The following ART1 variants were observed in gnomAD, a reference collection of about 807,000 sequenced individuals.
ART1 encodes GPI-linked NAD(P)(+)--arginine ADP-ribosyltransferase 1.
In ART1, 29 loss-of-function variants were observed where a neutral mutation model predicts 27.0. The observed-to-expected ratio is 1.08, with a 90% CI of 0.80 to 1.47. The LOEUF is 1.47. Among genes scored for constraint, ART1 ranks in the 40% most tolerant of loss-of-function variants. The probability of loss-of-function intolerance (pLI) is 0.00; values close to 1 mark genes in which losing one functional copy is unlikely to be tolerated. For synonymous variants in ART1, 201 were observed against 172.2 expected, an observed-to-expected ratio of 1.17 and a Z score of -1.31; for missense variants, 480 against 423.0, an observed-to-expected ratio of 1.13 and a Z score of -1.18.
intron 1 of ART1, among the ~76,000 whole-genome samples, chr11:3,657,763 T>C (rs2077585846): frequency 6.6e-6 from 1 of 152,172 alleles, no homozygotes; most frequent in Non-Finnish European, 1.5e-5. Context: ...TCTCAAAATC[T>C]TTCCTATAAA....
intron 4 of ART1, among the ~76,000 whole-genome samples, chr11:3,662,567 G>A (rs895498912): frequency 3.9e-5 from 6 of 152,226 alleles, no homozygotes; most frequent in African/African-American, 7.2e-5. Flanking sequence ...AAGAGAGGCC[G>A]GGTGTGGTGG....
chr11:3,650,645 T>C (rs1387690681), intron 1 of ART1, among the ~76,000 whole-genome samples: 3 of 152,118 alleles, frequency 2.0e-5, no homozygotes, highest in Admixed American at 6.5e-5. Context: ...ACTTAGACAA[T>C]ACTCTTTTAA....
intron 1 of ART1, among the ~76,000 whole-genome samples, chr11:3,656,624 C>T (rs769706184): frequency 3.9e-5 from 6 of 152,024 alleles, no homozygotes; most frequent in African/African-American, 7.2e-5. Flanking sequence ...TCAGGTGATC[C>T]GCCCACCTCA....
intron 1 of ART1, among the ~76,000 whole-genome samples, chr11:3,653,080 C>T (rs1022108604): frequency 6.7e-6 from 1 of 148,526 alleles, no homozygotes; most frequent in African/African-American, 2.6e-5. Flanking sequence ...TAATCTCTCC[C>T]ACTCGAGGTT....
chr11:3,656,849 C>CA (rs1030252196), intron 1 of ART1, among the ~76,000 whole-genome samples: 1 of 151,630 alleles, frequency 6.6e-6, no homozygotes, highest in African/African-American at 2.4e-5. Flanking sequence ...ACAACAATAA[C>CA]AAAAAAAATT....
rs1427241858 is a variant in ART1 at position 3,660,217 on chromosome 11, CCTT to C, written c.703_705del (p.Phe235del). The C allele has an allele frequency of 2.3e-5, 37 of 1,613,944 alleles. No homozygotes were observed. The East Asian group carries it at 7.6e-4, about 33-fold the overall frequency. On this transcript the variant is annotated inframe_deletion, in exon 3 of 5. Coordinates refer to ENST00000250693, the MANE Select transcript of ART1 (RefSeq NM_004314.3). ...CTTGGGGCCCCTATCAAGGGCTACT[CCTT>C]CTTCCCTGGAGAGGAAGAGGTGCTG...
intron 1 of ART1, among the ~76,000 whole-genome samples, chr11:3,652,794 G>A (rs1300250388): frequency 2.0e-5 from 3 of 151,066 alleles, no homozygotes; most frequent in Non-Finnish European, 4.4e-5. Context: ...ATATCTCCTG[G>A]TGCTATCCCC....
intron 4 of ART1, chr11:3,663,746 C>T (rs910806969): frequency 4.4e-5 from 10 of 227,650 alleles, no homozygotes; most frequent in East Asian, 2.7e-4. Context: ...TATGCCACTA[C>T]GCCTGGCTAC....
At position 3,647,339 on chromosome 11, in the gene ART1, C is replaced by CA. The variant is rs113492253; in HGVS notation, c.-53+2171dup. On this transcript the variant is annotated intron_variant, in intron 1 of 4. Coordinates refer to ENST00000250693, the MANE Select transcript of ART1 (RefSeq NM_004314.3). ...CCGTCTCAAAAAAAACAAAACAAAA[C>CA]AAAAAAAAAAACGAGGCTGGGTGCG... is the stretch of plus-strand genomic sequence containing the variant. Among the ~76,000 whole-genome samples, 1,284 of 132,566 alleles carry CA rather than the reference C, an allele frequency of 9.7e-3. 11 individuals are homozygous for CA. The highest frequency in any genetic ancestry group is 0.034 in the Middle Eastern group (7 of 208). The allele number at this position is 132,566 out of a possible 152,430, so 87.0% of individuals were successfully genotyped here. A position where few individuals can be genotyped will look rare whatever the true frequency, so the allele number is the denominator to read the frequency against.
chr11:3,661,417 AG>A lies in ART1; in HGVS notation c.886+7del. The A allele has an allele frequency of 1.9e-6, 3 of 1,609,074 alleles. No individual in the cohort carries two copies. The Middle Eastern group carries it at 5.0e-4, about 269-fold the overall frequency. On this transcript the variant is annotated splice_donor_5th_base_variant and intron_variant, in intron 4 of 4. Transcript: ENST00000250693. ...CCTTGCCATCTGGATAATTCAGGTAAGGGCTGCAGGCACCTGTGGGACTCAG... is the reference window on the plus strand; with the variant it reads ...CCTTGCCATCTGGATAATTCAGGTAAGGCTGCAGGCACCTGTGGGACTCAG...
At chr11:3,661,440 T>C (rs2077619438) in intron 4 of ART1, 27 bp downstream of exon 4, 2 of 1,604,028 alleles carry the variant, frequency 1.2e-6, no homozygotes, top group Non-Finnish European at 1.7e-6. Flanking sequence ...CCTGTGGGAC[T>C]CAGTTCAGGG....
intron 1 of ART1, among the ~76,000 whole-genome samples, chr11:3,650,188 T>A (rs987964316): frequency 5.9e-5 from 9 of 152,064 alleles, no homozygotes; most frequent in African/African-American, 1.2e-4. Flanking sequence ...CTCCAGAACC[T>A]CCTCCCCCAG....
chr11:3,652,759 C>T (rs2077535192), intron 1 of ART1, among the ~76,000 whole-genome samples: 1 of 151,096 alleles, frequency 6.6e-6, no homozygotes. Flanking sequence ...CCGGTTTACA[C>T]TGTTTCTCCA....
chr11:3,655,394 A>T (rs542290124), intron 1 of ART1: 7 of 152,128 alleles, frequency 4.6e-5, no homozygotes, highest in Admixed American at 2.0e-4. Context: ...CCCACTGGGG[A>T]CCCTCTATGG....
At chr11:3,663,089 A>ATCATCTCATCTCATC (rs58565508) in intron 4 of ART1, among the ~76,000 whole-genome samples, 1,762 of 87,002 alleles carry the variant, frequency 0.02, 64 homozygotes, top group Admixed American at 0.068. Context: ...ATCTCATCTC[A>ATCATCTCATCTCATC]TCATCTCATC....
intron 4 of ART1, 91 bp downstream of exon 4, chr11:3,661,504 T>TTC: frequency 8.8e-7 from 1 of 1,142,664 alleles, no homozygotes; most frequent in Non-Finnish European, 1.2e-6. Context: ...TTTTTTTTTT[T>TTC]TTTTTTTGAG....
chr11:3,649,594 G>A (rs1238794605), intron 1 of ART1, among the ~76,000 whole-genome samples: 1 of 152,116 alleles, frequency 6.6e-6, no homozygotes, highest in Non-Finnish European at 1.5e-5. Flanking sequence ...TCCTCGCCAG[G>A]CTGAGCTAGG....
At chr11:3,659,404 G>A (rs1391511041) in intron 2 of ART1, 128 bp downstream of exon 2, 2 of 1,434,886 alleles carry the variant, frequency 1.4e-6, no homozygotes, top group Non-Finnish European at 1.9e-6. Context: ...CTCAGCCCAA[G>A]GGGACAGCTC....
intron 2 of ART1, 117 bp from the exon 3 acceptor site, chr11:3,659,466 C>A: frequency 1.4e-6 from 2 of 1,381,896 alleles, no homozygotes; most frequent in East Asian, 2.4e-5. Flanking sequence ...TCCCCTTCCC[C>A]ACCAGGTGTG....
Sources: allele counts gnomAD v4.1 joint callset (sites outside exome capture counted in the v4.1 genomes callset), GRCh38; gene constraint gnomAD v4.1.1; transcripts MANE v1.5; gene names NCBI Gene and HGNC (gene_info 2026-07-23, HGNC 2026-07-21).